ATP9A: variants seen among roughly 807,000 people sequenced by gnomAD.
ATP9A encodes the protein probable phospholipid-transporting ATPase IIA.
In ATP9A, 52 loss-of-function variants were observed where a neutral mutation model predicts 144.1. That is an observed-to-expected ratio of 0.36 (90% CI 0.29 to 0.45). ATP9A has a LOEUF of 0.45. Among genes scored for constraint, ATP9A ranks in the 20% least tolerant of loss-of-function variants. The pLI, the probability that ATP9A is intolerant of heterozygous loss-of-function variation, is 1.00. For missense variants in ATP9A, 947 were observed against 1,392.7 expected, an observed-to-expected ratio of 0.68 and a Z score of 5.09; for synonymous variants, 582 against 557.4, an observed-to-expected ratio of 1.04 and a Z score of -0.62.
At chr20:51,748,781 A>G (rs1469793026) in intron 1 of ATP9A, among the ~76,000 whole-genome samples, 1 of 152,160 alleles carries the variant, frequency 6.6e-6, no homozygotes, top group Non-Finnish European at 1.5e-5. Context: ...ATAGTAAACC[A>G]TTAGAAAAAA....
intron 4 of ATP9A, among the ~76,000 whole-genome samples, chr20:51,708,294 T>TA (rs772217606): frequency 0.014 from 1,979 of 138,184 alleles, 23 homozygotes; most frequent in South Asian, 0.036. Context: ...CTCTATGATT[T>TA]AAAAAAAAAA....
intron 2 of ATP9A, among the ~76,000 whole-genome samples, chr20:51,726,882 GTTATTTCT>G (rs2077716002): frequency 9.5e-6 from 1 of 105,110 alleles, no homozygotes; most frequent in Non-Finnish European, 1.9e-5. Flanking sequence ...TCCAGACTGT[GTTATTTCT>G]TTTTTTTTTT....
At chr20:51,602,210 A>T (rs1355021868) in intron 27 of ATP9A, among the ~76,000 whole-genome samples, 1 of 151,954 alleles carries the variant, frequency 6.6e-6, no homozygotes, top group East Asian at 1.9e-4. Context: ...AGGATTATAA[A>T]CCCGGTTATG....
chr20:51,690,160 C>T (rs569258140), intron 8 of ATP9A, among the ~76,000 whole-genome samples: 169 of 141,692 alleles, frequency 1.2e-3, no homozygotes, highest in Non-Finnish European at 2.1e-3. Context: ...GTGGCTCATG[C>T]CTGTAATCCC....
chr20:51,718,233 T>C (rs535508610), intron 3 of ATP9A, among the ~76,000 whole-genome samples: 19 of 152,212 alleles, frequency 1.2e-4, no homozygotes, highest in African/African-American at 3.6e-4. Flanking sequence ...AGAATATATA[T>C]GGTTTATGTA....
At chr20:51,728,154 A>C (rs59488411) in intron 2 of ATP9A, among the ~76,000 whole-genome samples, 10,279 of 152,106 alleles carry the variant, frequency 0.068, 793 homozygotes, top group African/African-American at 0.19. Flanking sequence ...GTGCCTCTTG[A>C]GCCACTCTGG....
intron 10 of ATP9A, among the ~76,000 whole-genome samples, chr20:51,674,777 C>T (rs1026193930): frequency 2.0e-5 from 3 of 152,084 alleles, no homozygotes; most frequent in Non-Finnish European, 2.9e-5. Context: ...GGGCGCACAC[C>T]AGTGGTGGCA....
intron 1 of ATP9A, among the ~76,000 whole-genome samples, chr20:51,739,494 G>A (rs1021074925): frequency 4.0e-5 from 6 of 151,806 alleles, no homozygotes; most frequent in Non-Finnish European, 1.5e-5. Flanking sequence ...TGGGACTACA[G>A]GCACCCGCCA....
intron 2 of ATP9A, among the ~76,000 whole-genome samples, chr20:51,726,987 C>G (rs553611082): frequency 7.5e-6 from 1 of 133,154 alleles, no homozygotes; most frequent in Non-Finnish European, 1.5e-5. Context: ...AGGTTGAGTG[C>G]AAAAAGAAAT....
chr20:51,766,280 T>C (rs184307238), intron 1 of ATP9A, among the ~76,000 whole-genome samples: 451 of 152,264 alleles, frequency 3.0e-3, no homozygotes, highest in Non-Finnish European at 4.2e-3. Flanking sequence ...CAGAAAAGGC[T>C]AGTTAAGTTT....
intron 1 of ATP9A, among the ~76,000 whole-genome samples, chr20:51,760,536 G>C (rs1405065622): frequency 6.6e-6 from 1 of 151,598 alleles, no homozygotes; most frequent in African/African-American, 2.4e-5. Context: ...AGACTAGCCT[G>C]GCCAACATGG....
At position 51,599,979 on chromosome 20, in the gene ATP9A, C is replaced by T. The variant is rs1356086814; in HGVS notation, c.*1232G>A. On this transcript the variant is annotated 3_prime_UTR_variant, in exon 28 of 28. Coordinates refer to ENST00000338821, the MANE Select transcript of ATP9A (RefSeq NM_006045.3). ...TCCCTTCCTCTGAAACAAGCAGCCA[C>T]AGCTTTATAAGAAACATGCCGGCAT... 1.3e-5 allele frequency: 2 copies of T among 152,190 alleles called. No individual in the cohort carries two copies. The highest frequency in any genetic ancestry group is 2.9e-5 in the Non-Finnish European group (2 of 68,040). 9.4% of individuals were successfully genotyped at this position (152,190 alleles called of 1,614,324 possible). A position where few individuals can be genotyped will look rare whatever the true frequency, so the allele number is the denominator to read the frequency against.
At chr20:51,721,053 A>C (rs1354579269) in intron 3 of ATP9A, among the ~76,000 whole-genome samples, 3 of 152,232 alleles carry the variant, frequency 2.0e-5, no homozygotes, top group African/African-American at 4.8e-5. Context: ...TCGTCATTTC[A>C]GAAGCACCTG....
intron 1 of ATP9A, among the ~76,000 whole-genome samples, chr20:51,761,583 A>G (rs1264825580): frequency 1.3e-5 from 2 of 151,998 alleles, no homozygotes; most frequent in African/African-American, 4.8e-5. Context: ...AACACGGTGA[A>G]ACCCCGTCTC....
intron 9 of ATP9A, among the ~76,000 whole-genome samples, chr20:51,684,108 C>T (rs1030136130): frequency 2.0e-5 from 3 of 152,046 alleles, no homozygotes; most frequent in Non-Finnish European, 2.9e-5. Context: ...TCATTTGAAC[C>T]CAGGAGGTCG....
At chr20:51,712,827 T>A in intron 4 of ATP9A, 139 bp downstream of exon 4, 1 of 735,388 alleles carries the variant, frequency 1.4e-6, no homozygotes, top group Non-Finnish European at 2.3e-6. Flanking sequence ...GAGGCCTCCC[T>A]GGTGCTGGAG....
intron 10 of ATP9A, among the ~76,000 whole-genome samples, chr20:51,675,467 C>T (rs1477576031): frequency 2.0e-5 from 3 of 152,100 alleles, no homozygotes; most frequent in African/African-American, 7.2e-5. Context: ...TTCCTGAAGC[C>T]GTTTCTCATG....
At position 51,608,748 on chromosome 20, in the gene ATP9A, T is replaced by C. The variant is rs924227861; in HGVS notation, c.2637-122A>G. On this transcript the variant is annotated intron_variant, in intron 24 of 27. Transcript: ENST00000338821. ...ACAAATATTTACTGCTTGTCTATTATGCTCCGGGGCTGGCTGTAAGCACCA... is the reference window on the plus strand; with the variant it reads ...ACAAATATTTACTGCTTGTCTATTACGCTCCGGGGCTGGCTGTAAGCACCA... 3.2e-5 allele frequency: 22 copies of C among 684,660 alleles called. No individual in the cohort carries two copies. The Admixed American group carries it at 3.8e-4, about 12-fold the overall frequency. 42.4% of individuals were successfully genotyped at this position (684,660 alleles called of 1,614,324 possible). A position where few individuals can be genotyped will look rare whatever the true frequency, so the allele number is the denominator to read the frequency against.
intron 1 of ATP9A, among the ~76,000 whole-genome samples, chr20:51,731,527 T>G (rs1255028483): frequency 1.3e-5 from 2 of 151,948 alleles, no homozygotes; most frequent in Non-Finnish European, 2.9e-5. Context: ...AAGACCAGCC[T>G]GGCCAACATG....
Sources: allele counts gnomAD v4.1 joint callset (sites outside exome capture counted in the v4.1 genomes callset), GRCh38; gene constraint gnomAD v4.1.1; transcripts MANE v1.5; gene names NCBI Gene and HGNC (gene_info 2026-07-23, HGNC 2026-07-21).